SORCS3: variants seen among roughly 807,000 people sequenced by gnomAD.
SORCS3 encodes the protein VPS10 domain-containing receptor SorCS3.
In SORCS3, 57 loss-of-function variants were observed where a neutral mutation model predicts 146.3. That is an observed-to-expected ratio of 0.39 (90% CI 0.31 to 0.49). The LOEUF (loss-of-function observed/expected upper bound fraction) is 0.49, where lower values mean the gene tolerates loss of function less well. Ranked by LOEUF, SORCS3 falls within the 20% of genes least tolerant of loss-of-function variation. SORCS3 has a pLI of 0.92. For missense variants in SORCS3, 1,341 were observed against 1,575.5 expected (o/e 0.85, Z 2.52); for synonymous variants, 653 against 618.5 (o/e 1.06, Z -0.83).
At chr10:104,807,416 G>A (rs1378705502) in intron 1 of SORCS3, among the ~76,000 whole-genome samples, 1 of 152,140 alleles carries the variant, frequency 6.6e-6, no homozygotes. Flanking sequence ...TTTGGAGAGA[G>A]TATCTACCAT....
At chr10:104,948,453 A>G (rs1294993545) in intron 3 of SORCS3, among the ~76,000 whole-genome samples, 1 of 152,244 alleles carries the variant, frequency 6.6e-6, no homozygotes, top group Non-Finnish European at 1.5e-5. Context: ...GTGGAATAGA[A>G]TGAGGAATTT....
At chr10:105,118,906 A>G (rs995983016) in intron 7 of SORCS3, among the ~76,000 whole-genome samples, 1 of 152,224 alleles carries the variant, frequency 6.6e-6, no homozygotes, top group African/African-American at 2.4e-5. Context: ...ATGTGAGAGA[A>G]GAGAAAAGTT....
intron 2 of SORCS3, among the ~76,000 whole-genome samples, chr10:104,891,161 G>A (rs1001029910): frequency 3.3e-5 from 5 of 152,148 alleles, no homozygotes; most frequent in African/African-American, 1.2e-4. Flanking sequence ...GTTTTCTGAG[G>A]TATTCTACCT....
At chr10:105,160,263 T>C (rs2056250749) in intron 11 of SORCS3, among the ~76,000 whole-genome samples, 1 of 152,184 alleles carries the variant, frequency 6.6e-6, no homozygotes. Context: ...AGTGTTTTCA[T>C]TGGCAAAGTG....
intron 22 of SORCS3, among the ~76,000 whole-genome samples, chr10:105,250,042 A>G (rs1202418409): frequency 3.3e-5 from 5 of 152,220 alleles, no homozygotes; most frequent in African/African-American, 1.2e-4. Context: ...GCGGAGAAGT[A>G]CAAGATCAAG....
intron 1 of SORCS3, among the ~76,000 whole-genome samples, chr10:104,784,596 G>C (rs1403234372): frequency 1.3e-5 from 2 of 152,194 alleles, no homozygotes; most frequent in African/African-American, 4.8e-5. Flanking sequence ...TCAGAACTGA[G>C]TTCTCCTTCA....
chr10:105,090,181 C>G (rs1589627318), intron 6 of SORCS3, among the ~76,000 whole-genome samples: 1 of 152,152 alleles, frequency 6.6e-6, no homozygotes, highest in Non-Finnish European at 1.5e-5. Context: ...CAAGGGCTGC[C>G]TGCTTCAAAG....
intron 3 of SORCS3, among the ~76,000 whole-genome samples, chr10:104,965,374 T>C (rs966537818): frequency 3.9e-5 from 6 of 152,230 alleles, no homozygotes; most frequent in African/African-American, 1.4e-4. Context: ...TTGGTACTCA[T>C]CTTTCTTGAC....
At chr10:105,170,193 T>C (rs1055745819) in intron 13 of SORCS3, among the ~76,000 whole-genome samples, 12 of 152,110 alleles carry the variant, frequency 7.9e-5, no homozygotes, top group Non-Finnish European at 1.2e-4. Context: ...TCCAGTCTGA[T>C]CCACAAAAGT....
intron 7 of SORCS3, among the ~76,000 whole-genome samples, chr10:105,117,315 G>T (rs1230327024): frequency 1.3e-5 from 2 of 152,132 alleles, no homozygotes; most frequent in East Asian, 3.9e-4. Context: ...CTTTACTTTT[G>T]GGGGTAACTT....
chr10:104,974,883 CA>C (rs2054885332), intron 3 of SORCS3, among the ~76,000 whole-genome samples: 2 of 152,102 alleles, frequency 1.3e-5, no homozygotes, highest in Admixed American at 1.3e-4. Context: ...TCTTTTAGGG[CA>C]GTCCTGGTGG....
intron 2 of SORCS3, among the ~76,000 whole-genome samples, chr10:104,869,175 A>G (rs1344525791): frequency 6.6e-6 from 1 of 151,812 alleles, no homozygotes; most frequent in Non-Finnish European, 1.5e-5. Flanking sequence ...ATATATTTAT[A>G]TACATATATT....
At chr10:104,831,292 A>G (rs2017998045) in intron 1 of SORCS3, among the ~76,000 whole-genome samples, 1 of 152,204 alleles carries the variant, frequency 6.6e-6, no homozygotes, top group Non-Finnish European at 1.5e-5. Context: ...TGTGAAGCTA[A>G]CCAACACTAA....
intron 1 of SORCS3, among the ~76,000 whole-genome samples, chr10:104,796,034 C>A (rs1332573435): frequency 6.6e-6 from 1 of 152,206 alleles, no homozygotes. Context: ...TCTTTGGCTG[C>A]ACCTTCATGT....
At chr10:105,173,020 T>A (rs1299598240) in intron 13 of SORCS3, among the ~76,000 whole-genome samples, 1 of 152,202 alleles carries the variant, frequency 6.6e-6, no homozygotes. Flanking sequence ...TATAAATGAC[T>A]TCCAAATTTA....
intron 3 of SORCS3, among the ~76,000 whole-genome samples, chr10:104,961,186 T>C (rs1656934122): frequency 6.6e-6 from 1 of 152,172 alleles, no homozygotes; most frequent in South Asian, 2.1e-4. Flanking sequence ...ATGTGCACAG[T>C]AGCAACTTGG....
intron 1 of SORCS3, among the ~76,000 whole-genome samples, chr10:104,811,124 T>C (rs920556959): frequency 3.9e-5 from 6 of 152,142 alleles, no homozygotes; most frequent in African/African-American, 1.4e-4. Context: ...AAAAGTACCA[T>C]ATAGGAAGGG....
intron 20 of SORCS3, among the ~76,000 whole-genome samples, chr10:105,232,735 G>A (rs2119693865): frequency 6.6e-6 from 1 of 151,982 alleles, no homozygotes; most frequent in African/African-American, 2.4e-5. Flanking sequence ...TTTTCATTTA[G>A]TTGAACATAC....
rs183537226 is a variant in SORCS3 at position 104,888,953 on chromosome 10, G to T, written c.696-26880G>T. ...TAGCCCTACCTATTCCCTACTTTAG[G>T]TCATATATTTTGGAGTTGTTAGTGG... is the stretch of plus-strand genomic sequence containing the variant. On this transcript the variant is annotated intron_variant, in intron 2 of 26. Coordinates refer to ENST00000369701, the MANE Select transcript of SORCS3 (RefSeq NM_014978.3). Among the ~76,000 whole-genome samples the T allele has an allele frequency of 6.6e-5, 10 of 152,138 alleles. No individual in the cohort carries two copies. The South Asian group carries it at 1.0e-3, about 16-fold the overall frequency.
Sources: gnomAD v4.1 joint callset for allele counts (sites outside exome capture counted in the v4.1 genomes callset) on GRCh38, gnomAD v4.1.1 for gene constraint, MANE v1.5 for transcripts, NCBI Gene and HGNC (gene_info 2026-07-23, HGNC 2026-07-21) for gene names.